The following MIB1 variants were observed in gnomAD, a reference collection of about 807,000 sequenced individuals.
MIB1 encodes MIB E3 ubiquitin protein ligase 1, also known as E3 ubiquitin-protein ligase MIB1.
MIB1 carries 278 observed loss-of-function variants against 124.5 expected under a neutral mutation model. That is an observed-to-expected ratio of 2.23 (90% CI 2.02 to 2.47). The LOEUF is 2.47. Among genes scored for constraint, MIB1 ranks in the 30% most tolerant of loss-of-function variants. The pLI, the probability that MIB1 is intolerant of heterozygous loss-of-function variation, is 0.00. For missense variants in MIB1, 957 were observed against 1,254.4 expected, an observed-to-expected ratio of 0.76 and a Z score of 3.58; for synonymous variants, 446 against 429.4, an observed-to-expected ratio of 1.04 and a Z score of -0.48.
At chr18:21,733,638 T>C (rs2040782271) in intron 1 of MIB1, among the ~76,000 whole-genome samples, 1 of 152,250 alleles carries the variant, frequency 6.6e-6, no homozygotes, top group African/African-American at 2.4e-5. Flanking sequence ...TTAATTTTTC[T>C]CTTTACAAAT....
chr18:21,833,120 A>G (rs879863698), intron 12 of MIB1, among the ~76,000 whole-genome samples: 2 of 152,220 alleles, frequency 1.3e-5, no homozygotes, highest in African/African-American at 2.4e-5. Flanking sequence ...ATTTGAACTC[A>G]GATAATTTGG....
At chr18:21,712,476 T>G (rs1598577601) in intron 1 of MIB1, among the ~76,000 whole-genome samples, 1 of 152,326 alleles carries the variant, frequency 6.6e-6, no homozygotes, top group South Asian at 2.1e-4. Context: ...AGACTGTCCT[T>G]TCAGCCTTGA....
chr18:21,754,433 C>T (rs988312618), intron 1 of MIB1, among the ~76,000 whole-genome samples: 1 of 152,316 alleles, frequency 6.6e-6, no homozygotes, highest in East Asian at 1.9e-4. Context: ...GTCCAGCCTC[C>T]CCACACTGCC....
At chr18:21,852,211 C>G (rs1355289365) in intron 17 of MIB1, among the ~76,000 whole-genome samples, 3 of 152,200 alleles carry the variant, frequency 2.0e-5, no homozygotes, top group African/African-American at 7.2e-5. Flanking sequence ...TCTTGATCAA[C>G]TATGTCTTAC....
intron 1 of MIB1, among the ~76,000 whole-genome samples, chr18:21,761,291 A>G (rs1193851112): frequency 2.0e-5 from 3 of 152,016 alleles, no homozygotes; most frequent in Non-Finnish European, 4.4e-5. Flanking sequence ...AACTGTCATA[A>G]TTGTCTGGTG....
Position 21,773,704 on chromosome 18 carries a change from T to G in MIB1, c.612T>G (p.Leu204=), listed in dbSNP as rs774142832. ...TCTGGGATAATGGTGCTAAGAACCT[T>G]TACAGAGTTGGCTTTGAGGGCATGG... ...YVLWDNGAKN[L]YRVGFEGMSD... is the part of the protein sequence containing the mutation. Residue 204 remains leucine, a synonymous_variant, in exon 4 of 21, where the codon CTT becomes CTG. Transcript: ENST00000261537. 2 of 1,603,692 alleles carry G rather than the reference T, an allele frequency of 1.2e-6. No individual in the cohort carries two copies. The highest frequency in any genetic ancestry group is 1.7e-6 in the Non-Finnish European group (2 of 1,176,162).
At chr18:21,809,541 G>A (rs1222337471) in intron 10 of MIB1, among the ~76,000 whole-genome samples, 5 of 152,066 alleles carry the variant, frequency 3.3e-5, no homozygotes, top group Middle Eastern at 3.4e-3. Context: ...GCATGATAAA[G>A]GGATTATACA....
At chr18:21,728,715 T>G (rs2040754216) in intron 1 of MIB1, among the ~76,000 whole-genome samples, 1 of 152,216 alleles carries the variant, frequency 6.6e-6, no homozygotes, top group Non-Finnish European at 1.5e-5. Context: ...TCCAGTGTGA[T>G]ATTTAGATAC....
At chr18:21,863,708 TAGAA>T (rs2042296375) in intron 20 of MIB1, among the ~76,000 whole-genome samples, 1 of 151,902 alleles carries the variant, frequency 6.6e-6, no homozygotes, top group African/African-American at 2.4e-5. Context: ...AGACATTATT[TAGAA>T]AGAACCAGTT....
rs1046478716 is a variant in MIB1 at position 21,848,425 on chromosome 18, G to A, written c.2394-771G>A. On this transcript the variant is annotated intron_variant, in intron 16 of 20. Transcript: ENST00000261537. ...AGATCACACCACTGTACTCCAGCCT[G>A]GGCAACAAGAGCAAAATTCTGTCTC... Among the ~76,000 whole-genome samples the A allele has an allele frequency of 4.6e-5, 7 of 152,126 alleles. No individual in the cohort carries two copies. In the East Asian group the frequency reaches 1.4e-3, roughly 29 times the overall value.
In MIB1 at chr18:21,847,123, C is replaced by T; in HGVS notation, c.2391C>T (p.Val797=). 1.9e-6 allele frequency: 3 copies of T among 1,613,370 alleles called. No homozygotes were observed. Among genetic ancestry groups the T allele is most frequent in the Non-Finnish European group, 1.7e-6 (2 of 1,179,454 alleles). The change falls in exon 16 of 21, where the codon GTC becomes GTT. Residue 797 remains valine, a splice_region_variant and synonymous_variant. Coordinates refer to ENST00000261537, the MANE Select transcript of MIB1 (RefSeq NM_020774.4). The part of the protein sequence containing the change: ...KALAKCHKEK[V]SGQVGSRSPS... ...TGGCAAAGTGTCATAAGGAAAAAGT[C>T]AGGTTTGTATTATTTATTATCATAA...
chr18:21,793,131 C>G (rs1475081203), intron 7 of MIB1, among the ~76,000 whole-genome samples: 1 of 152,184 alleles, frequency 6.6e-6, no homozygotes, highest in African/African-American at 2.4e-5. Flanking sequence ...TCCAAAACAG[C>G]TAGCAAATAT....
chr18:21,780,458 T>C (rs1193948152), intron 6 of MIB1, among the ~76,000 whole-genome samples: 1 of 152,166 alleles, frequency 6.6e-6, no homozygotes, highest in Admixed American at 6.5e-5. Context: ...ACATTTTACA[T>C]CTCCTCATAT....
intron 9 of MIB1, among the ~76,000 whole-genome samples, chr18:21,801,495 G>A (rs2040226): frequency 0.16 from 24,014 of 151,976 alleles, 2,593 homozygotes; most frequent in African/African-American, 0.31. Flanking sequence ...TTTTTAAAAA[G>A]CTGAAGTATA....
intron 3 of MIB1, among the ~76,000 whole-genome samples, chr18:21,771,124 T>C (rs1211282134): frequency 6.6e-6 from 1 of 152,258 alleles, no homozygotes; most frequent in East Asian, 1.9e-4. Context: ...ATGTATCCTT[T>C]ACAGAGTTTC....
In MIB1 at chr18:21,791,376, G is replaced by C; in HGVS notation, c.911G>C (p.Trp304Ser). The C allele has an allele frequency of 2.5e-6, 4 of 1,604,406 alleles. No homozygotes were observed. The highest frequency in any genetic ancestry group is 1.1e-5 in the South Asian group (1 of 88,934). ...GAGGTTTAGCTTTGCTCTTGTAGGT[G>C]GACCTTCAATCCTGCTGTTCTCACT... ...IVVQYPSGNR[W>S]TFNPAVLTKA... is the part of the protein sequence containing the mutation. Residue 304 changes from tryptophan to serine, a missense_variant and splice_region_variant, in exon 7 of 21, where the codon TGG becomes TCG. Transcript: ENST00000261537.
upstream of MIB1, among the ~76,000 whole-genome samples, chr18:21,740,731 C>T (rs45559333): frequency 2.6e-5 from 4 of 152,372 alleles, no homozygotes; most frequent in East Asian, 3.9e-4. Flanking sequence ...CCCTCCATCG[C>T]CCGGGGCTGG....
chr18:21,792,486 C>T (rs2041517806), intron 7 of MIB1, among the ~76,000 whole-genome samples: 1 of 152,160 alleles, frequency 6.6e-6, no homozygotes, highest in African/African-American at 2.4e-5. Flanking sequence ...TTGTCCTGAC[C>T]CTCCATTAGC....
chr18:21,747,295 G>A (rs533716933), intron 1 of MIB1, among the ~76,000 whole-genome samples: 1 of 152,268 alleles, frequency 6.6e-6, no homozygotes, highest in East Asian at 1.9e-4. Context: ...GTTGAGCTGA[G>A]GACTTCAAGA....
Sources: allele counts gnomAD v4.1 joint callset (sites outside exome capture counted in the v4.1 genomes callset), GRCh38; gene constraint gnomAD v4.1.1; transcripts MANE v1.5; gene names NCBI Gene and HGNC (gene_info 2026-07-23, HGNC 2026-07-21).